The following UGT2B4 variants were observed in gnomAD, a reference collection of about 807,000 sequenced individuals.
The protein encoded by UGT2B4 is UDP glucuronosyltransferase family 2 member B4.
Under a neutral mutation model 49.8 loss-of-function variants are expected in UGT2B4, and 49 were observed. The observed-to-expected ratio is 0.98, with a 90% CI of 0.78 to 1.25. The LOEUF (loss-of-function observed/expected upper bound fraction) is 1.25. UGT2B4 is among the 50% of genes most tolerant of loss of function. The pLI, the probability that UGT2B4 is intolerant of heterozygous loss-of-function variation, is 0.00. For synonymous variants in UGT2B4, 246 were observed against 217.7 expected (o/e 1.13, Z -1.14); for missense variants, 729 against 627.7 (o/e 1.16, Z -1.73).
intron 1 of UGT2B4, among the ~76,000 whole-genome samples, chr4:69,509,168 C>CTGTTT (rs1177088839): frequency 2.3e-5 from 1 of 43,916 alleles, no homozygotes; most frequent in African/African-American, 6.1e-5. Flanking sequence ...TATGGAATTT[C>CTGTTT]TATTTTTTTT....
intron 1 of UGT2B4, among the ~76,000 whole-genome samples, chr4:69,516,928 T>G (rs1313183397): frequency 6.6e-6 from 1 of 152,014 alleles, no homozygotes; most frequent in East Asian, 1.9e-4. Flanking sequence ...TATGTCTTCT[T>G]TAGAGAAACA....
At chr4:69,519,510 A>G (rs1577905657) in intron 1 of UGT2B4, among the ~76,000 whole-genome samples, 1 of 152,218 alleles carries the variant, frequency 6.6e-6, no homozygotes, top group East Asian at 1.9e-4. Flanking sequence ...CTTTCTGTGA[A>G]AGGAAAATAA....
At chr4:69,495,944 G>A (rs1262563329), upstream of UGT2B4, 5 of 1,508,052 alleles carry the variant, frequency 3.3e-6, no homozygotes, top group African/African-American at 1.4e-5. Flanking sequence ...AATCAGTCAA[G>A]AAGTTAAAAT....
intron 1 of UGT2B4, among the ~76,000 whole-genome samples, chr4:69,516,617 A>C (rs775114674): frequency 5.9e-5 from 9 of 151,794 alleles, no homozygotes; most frequent in Non-Finnish European, 8.8e-5. Context: ...TTATGTATTT[A>C]TTTATTTAAG....
intron 1 of UGT2B4, among the ~76,000 whole-genome samples, chr4:69,507,370 G>T (rs537978533): frequency 1.3e-5 from 2 of 152,298 alleles, no homozygotes; most frequent in South Asian, 2.1e-4. Context: ...TTTCAGAGAA[G>T]TCTCAGGATG....
At chr4:69,500,529 AAAG>A (rs1402034348), upstream of UGT2B4, among the ~76,000 whole-genome samples, 6 of 151,092 alleles carry the variant, frequency 4.0e-5, no homozygotes, top group East Asian at 1.9e-4. Flanking sequence ...AGAAAGAAAG[AAAG>A]AAGAAAGAAA....
At position 69,489,574 on chromosome 4, in the gene UGT2B4, T is replaced by TG. The variant is rs1234617073; in HGVS notation, c.871-5dup. On this transcript the variant is annotated splice_polypyrimidine_tract_variant and splice_region_variant and intron_variant, in intron 2 of 5. Coordinates refer to ENST00000305107, the MANE Select transcript of UGT2B4 (RefSeq NM_021139.3). ...TCTGGACAAACTCTTCCATTTCCTG[T>TG]GAAAAAAAAGAATTTGTTCTATCAT... The TG allele has an allele frequency of 3.1e-6, 5 of 1,599,196 alleles. No homozygotes were observed. The highest frequency in any genetic ancestry group is 4.3e-6 in the Non-Finnish European group (5 of 1,174,748).
Position 69,493,799 on chromosome 4 carries a change from A to T in UGT2B4, c.764T>A (p.Ile255Lys). ...ATCCCAGTAGTTTCGAATAAGCCAT[A>T]TGTCAGCTTTTGCCATTGTCTCAGA... Reference protein sequence around the residue: ...TLSETMAKADIWLIRNYWDFQ... With the variant: ...TLSETMAKADKWLIRNYWDFQ... The change falls in exon 2 of 6, where the codon ATA (isoleucine) becomes AAA (lysine). Residue 255 changes from isoleucine (I) to lysine (K), a missense_variant. By Grantham distance (102) the Ile-to-Lys change is moderately radical (BLOSUM62 -3). Coordinates refer to ENST00000305107, the MANE Select transcript of UGT2B4 (RefSeq NM_021139.3). 1 of 1,607,496 alleles carries T rather than the reference A, an allele frequency of 6.2e-7. No individual in the cohort carries two copies. The highest frequency in any genetic ancestry group is 8.5e-7 in the Non-Finnish European group (1 of 1,177,346).
intron 1 of UGT2B4, among the ~76,000 whole-genome samples, chr4:69,502,091 C>CTT (rs1164693410): frequency 0.16 from 16,856 of 108,374 alleles, 2,908 homozygotes; most frequent in East Asian, 0.23. Flanking sequence ...TTCTTTCTCT[C>CTT]TCTTTCTTTC....
At chr4:69,509,615 A>C (rs1728557988) in intron 1 of UGT2B4, among the ~76,000 whole-genome samples, 1 of 152,172 alleles carries the variant, frequency 6.6e-6, no homozygotes, top group Non-Finnish European at 1.5e-5. Context: ...TTTATCATAC[A>C]GCTGATTGGC....
rs1229511987 is a variant in UGT2B4 at position 69,495,863 on chromosome 4, C to T, written c.-2G>A. 1.9e-6 allele frequency: 3 copies of T among 1,581,150 alleles called. No homozygotes were observed. Among genetic ancestry groups the T allele is most frequent in the Admixed American group, 3.8e-5 (2 of 53,060 alleles). ...AGCTGAAGTCCATTTCATAGACATC[C>T]TGATGCAATGCAATGCTTGTTTTCC... On this transcript the variant is annotated 5_prime_UTR_variant, in exon 1 of 6. Transcript: ENST00000305107.
chr4:69,496,069 T>C (rs1577891087), upstream of UGT2B4: 4 of 745,250 alleles, frequency 5.4e-6, no homozygotes, highest in South Asian at 1.8e-4. Flanking sequence ...AATGTTCTTT[T>C]TGGATTTTTT....
upstream of UGT2B4, among the ~76,000 whole-genome samples, chr4:69,500,670 G>GA (rs1560438465): frequency 0.012 from 779 of 62,614 alleles, 2 homozygotes; most frequent in Middle Eastern, 0.047. Flanking sequence ...AGAAAGAAAG[G>GA]AAGGAAAGAA....
intron 3 of UGT2B4, among the ~76,000 whole-genome samples, chr4:69,487,077 A>G (rs1182087368): frequency 6.6e-6 from 1 of 152,204 alleles, no homozygotes; most frequent in Non-Finnish European, 1.5e-5. Context: ...TAAAAACTCA[A>G]AAAATAACAG....
intron 1 of UGT2B4, among the ~76,000 whole-genome samples, chr4:69,524,105 G>A (rs7695287): frequency 0.35 from 53,365 of 151,752 alleles, 9,475 homozygotes; most frequent in Non-Finnish European, 0.37. Flanking sequence ...TTTTCTTCAC[G>A]TCAGCGATAA....
At chr4:69,505,726 C>T (rs1728449828) in intron 1 of UGT2B4, among the ~76,000 whole-genome samples, 2 of 152,124 alleles carry the variant, frequency 1.3e-5, no homozygotes, top group African/African-American at 4.8e-5. Context: ...TGATAGATAT[C>T]TGCAGAACTC....
At chr4:69,520,387 A>G (rs1728820866) in intron 1 of UGT2B4, among the ~76,000 whole-genome samples, 1 of 152,238 alleles carries the variant, frequency 6.6e-6, no homozygotes, top group South Asian at 2.1e-4. Flanking sequence ...GGAAACAGGA[A>G]CAGGCAGGAG....
rs1728049471 is a variant in UGT2B4 at position 69,493,363 on chromosome 4, C to T, written c.870+330G>A. 2.0e-5 allele frequency among the ~76,000 whole-genome samples: 3 copies of T among 152,178 alleles called. No homozygotes were observed. The South Asian group carries it at 6.2e-4, about 32-fold the overall frequency. Reference sequence around the variant, plus strand: ...AATGTAAGGTGTGTTGGGATAGAAACTGTGTCCCATACACGTACCTGTGGT... The same window carrying T: ...AATGTAAGGTGTGTTGGGATAGAAATTGTGTCCCATACACGTACCTGTGGT... On this transcript the variant is annotated intron_variant, in intron 2 of 5. Coordinates refer to ENST00000305107, the MANE Select transcript of UGT2B4 (RefSeq NM_021139.3).
At chr4:69,490,998 A>C (rs1727969781) in intron 2 of UGT2B4, among the ~76,000 whole-genome samples, 1 of 152,190 alleles carries the variant, frequency 6.6e-6, no homozygotes, top group Non-Finnish European at 1.5e-5. Flanking sequence ...TATGTATGTA[A>C]GGTATTTTAT....
Sources: gnomAD v4.1 joint callset for allele counts (sites outside exome capture counted in the v4.1 genomes callset) on GRCh38, gnomAD v4.1.1 for gene constraint, MANE v1.5 for transcripts, NCBI Gene and HGNC (gene_info 2026-07-23, HGNC 2026-07-21) for gene names.